The following VRK2 variants were observed in gnomAD, a reference collection of about 807,000 sequenced individuals.
VRK2 encodes the protein serine/threonine-protein kinase VRK2.
In VRK2, 60 loss-of-function variants were observed where a neutral mutation model predicts 57.6. The ratio of observed to expected loss-of-function variants is 1.04; its 90% CI spans 0.85 to 1.29. The LOEUF is 1.29. VRK2 is among the 50% of genes most tolerant of loss of function. VRK2 has a pLI of 0.00. For synonymous variants in VRK2, 231 were observed against 199.2 expected, an observed-to-expected ratio of 1.16 and a Z score of -1.35; for missense variants, 705 against 588.1, an observed-to-expected ratio of 1.20 and a Z score of -2.06.
chr2:58,081,902 C>T (rs530204049), intron 2 of VRK2, among the ~76,000 whole-genome samples: 4 of 126,942 alleles, frequency 3.2e-5, no homozygotes, highest in Admixed American at 8.1e-5. Context: ...GTGTGTGTTT[C>T]GTCATTTAAT....
chr2:58,151,946 C>CA (rs1558708465), intron 12 of VRK2, among the ~76,000 whole-genome samples: 1 of 150,804 alleles, frequency 6.6e-6, no homozygotes, highest in East Asian at 1.9e-4. Flanking sequence ...ACTGTATGGT[C>CA]AAAAAAGCCT....
At chr2:58,079,130 C>G (rs527917847) in intron 2 of VRK2, among the ~76,000 whole-genome samples, 3 of 152,032 alleles carry the variant, frequency 2.0e-5, no homozygotes, top group Admixed American at 1.3e-4. Flanking sequence ...TTTGGGTTTG[C>G]TTTAAATTCA....
intron 1 of VRK2, among the ~76,000 whole-genome samples, chr2:57,983,480 G>T (rs1672496490): frequency 6.6e-6 from 1 of 152,096 alleles, no homozygotes. Context: ...AGGGCATAGA[G>T]ATACTTGGGA....
In VRK2 at chr2:58,088,416, G is replaced by T; in HGVS notation, c.420G>T (p.Lys140Asn). Residue 140 changes from lysine to asparagine, a missense_variant, in exon 6 of 13, where the codon AAG becomes AAT. By Grantham distance (94) the Lys-to-Asn change is moderately conservative (BLOSUM62 0). Transcript: ENST00000340157. ...CAGGCCAGAATGGTACCTTTAAAAA[G>T]TCAACTGTCCTGCAATTAGGTATCC... Reference protein sequence around the residue: ...KISGQNGTFKKSTVLQLGIRM... With the variant: ...KISGQNGTFKNSTVLQLGIRM... The T allele has an allele frequency of 6.2e-7, 1 of 1,613,220 alleles. No individual in the cohort carries two copies. The highest frequency in any genetic ancestry group is 1.3e-5 in the African/African-American group (1 of 75,028).
intron 1 of VRK2, among the ~76,000 whole-genome samples, chr2:57,927,057 G>C (rs1419076870): frequency 1.5e-5 from 2 of 134,520 alleles, no homozygotes; most frequent in Non-Finnish European, 3.3e-5. Flanking sequence ...TAGGTTCCCA[G>C]GAGGCTTCTG....
intron 3 of VRK2, 149 bp from the exon 4 acceptor site, chr2:58,084,732 A>C: frequency 3.9e-6 from 2 of 510,480 alleles, no homozygotes; most frequent in Non-Finnish European, 6.9e-6. Flanking sequence ...TGAGATTTTT[A>C]GTGGAAATCT....
intron 2 of VRK2, among the ~76,000 whole-genome samples, chr2:58,026,465 A>G (rs1273961989): frequency 6.6e-6 from 1 of 152,194 alleles, no homozygotes; most frequent in Non-Finnish European, 1.5e-5. Context: ...TACTCTTTCT[A>G]TGAATATGCA....
chr2:57,975,211 A>T (rs1030822218), intron 1 of VRK2, among the ~76,000 whole-genome samples: 4 of 152,068 alleles, frequency 2.6e-5, no homozygotes, highest in African/African-American at 9.7e-5. Context: ...GATAACAAAG[A>T]TACATTTAAT....
At chr2:57,944,852 A>G (rs971905923) in intron 1 of VRK2, among the ~76,000 whole-genome samples, 2 of 152,134 alleles carry the variant, frequency 1.3e-5, no homozygotes, top group Non-Finnish European at 2.9e-5. Context: ...AAGAAAGAGG[A>G]AAAAGAAGAA....
intron 12 of VRK2, chr2:58,147,330 C>G: frequency 5.8e-6 from 2 of 344,924 alleles, no homozygotes; most frequent in Admixed American, 3.1e-5. Context: ...TAATAGCAAT[C>G]TTTTACATTC....
rs184937805 is a variant in VRK2, at chr2:58,118,258, A to T, written c.544-4843A>T. ...AAGCGGGACTTGCCGCTAAGGGTGA[A>T]GGACCAAGGCAGGTGTCCCTGCGTG... On this transcript the variant is annotated intron_variant, in intron 7 of 12. Transcript: ENST00000340157. Among the ~76,000 whole-genome samples, 238 of 152,340 alleles carry T rather than the reference A, an allele frequency of 1.6e-3. No individual in the cohort carries two copies. In the Middle Eastern group the frequency reaches 0.017, roughly 11 times the overall value.
chr2:57,964,684 G>C lies in VRK2; in HGVS notation c.-439+56845G>C, dbSNP rs1389773135. 5.9e-5 allele frequency among the ~76,000 whole-genome samples: 9 copies of C among 151,966 alleles called. 1 individual carries two copies. Among genetic ancestry groups the C allele is most frequent in the Admixed American group, 4.6e-4 (7 of 15,228 alleles). On this transcript the variant is annotated intron_variant, in intron 1 of 15. Transcript: ENST00000417641. ...CGGATCACCTGAGGTCAGGAGTTGG[G>C]AGACCAGCCTGGCCAATATGGTGAA...
At chr2:58,014,959 A>T (rs142676612) in intron 1 of VRK2, among the ~76,000 whole-genome samples, 1 of 152,314 alleles carries the variant, frequency 6.6e-6, no homozygotes, top group African/African-American at 2.4e-5. Context: ...ATTTTCCCTC[A>T]GTAAAATCCA....
At chr2:58,152,894 A>G (rs554571135) in intron 12 of VRK2, among the ~76,000 whole-genome samples, 1 of 152,108 alleles carries the variant, frequency 6.6e-6, no homozygotes, top group East Asian at 1.9e-4. Flanking sequence ...TGACATTCAT[A>G]TACTACCATA....
At chr2:57,974,434 A>G (rs1039129919) in intron 1 of VRK2, among the ~76,000 whole-genome samples, 3 of 151,914 alleles carry the variant, frequency 2.0e-5, no homozygotes, top group African/African-American at 7.2e-5. Flanking sequence ...CTACGTAGTA[A>G]GATGTATAGC....
At chr2:57,934,404 G>A (rs932499742) in intron 1 of VRK2, among the ~76,000 whole-genome samples, 2 of 152,160 alleles carry the variant, frequency 1.3e-5, no homozygotes, top group Non-Finnish European at 2.9e-5. Flanking sequence ...CATGTTGAAT[G>A]TATTATTCCA....
Position 58,105,489 on chromosome 2 carries a change from A to T in VRK2, c.543+15766A>T, listed in dbSNP as rs556390081. On this transcript the variant is annotated intron_variant, in intron 7 of 12. Coordinates refer to ENST00000340157, the MANE Select transcript of VRK2 (RefSeq NM_006296.7). ...ATCAGAGAAATGCAAATTAAAACCA[A>T]CTGAGATATCATCTTATGCCAGTCA... Among the ~76,000 whole-genome samples, 150 of 151,894 alleles carry T rather than the reference A, an allele frequency of 9.9e-4. 1 individual carries two copies. The highest frequency in any genetic ancestry group is 3.4e-3 in the Middle Eastern group (1 of 294).
At chr2:57,945,180 T>C (rs1325477753) in intron 1 of VRK2, among the ~76,000 whole-genome samples, 1 of 152,220 alleles carries the variant, frequency 6.6e-6, no homozygotes, top group Non-Finnish European at 1.5e-5. Flanking sequence ...AAAAGACCCA[T>C]AATTTTTAAC....
chr2:58,035,096 G>A (rs1674233980), intron 3 of VRK2, among the ~76,000 whole-genome samples: 1 of 152,036 alleles, frequency 6.6e-6, no homozygotes, highest in Admixed American at 6.6e-5. Flanking sequence ...AGAAGAGGAT[G>A]TTTGACATGG....
Sources: allele counts gnomAD v4.1 joint callset (sites outside exome capture counted in the v4.1 genomes callset), GRCh38; gene constraint gnomAD v4.1.1; transcripts MANE v1.5; gene names NCBI Gene and HGNC (gene_info 2026-07-23, HGNC 2026-07-21).